Variants in IPO9 observed in about 807,000 individuals in gnomAD.
IPO9 encodes the protein importin-9.
IPO9 carries 28 observed loss-of-function variants against 128.6 expected under a neutral mutation model. The observed-to-expected ratio is 0.22, with a 90% confidence interval of 0.16 to 0.30. The LOEUF is 0.30. Ranked by LOEUF, IPO9 falls within the 10% of genes least tolerant of loss-of-function variation. IPO9 has a pLI of 1.00. For missense variants in IPO9, 935 were observed against 1,293.9 expected (o/e 0.72, Z 4.26); for synonymous variants, 455 against 475.8 (o/e 0.96, Z 0.57).
chr1:201,835,719 C>G (rs147690285), intron 1 of IPO9, among the ~76,000 whole-genome samples: 36 of 152,248 alleles, frequency 2.4e-4, no homozygotes, highest in African/African-American at 8.7e-4. Context: ...CAAAATAAAG[C>G]GGATATTTAT....
chr1:201,858,456 A>G lies in IPO9; in HGVS notation c.1231A>G (p.Thr411Ala). The G allele has an allele frequency of 1.3e-6, 2 of 1,568,170 alleles. No homozygotes were observed. The highest frequency in any genetic ancestry group is 2.3e-5 in the South Asian group (2 of 85,208). Residue 411 changes from threonine to alanine, a missense_variant, in exon 12 of 24, where the codon ACA becomes GCA. This residue lies in a region of IPO9 where 741 missense variants were observed against 1,019.1 expected (regional missense o/e 0.73). Transcript: ENST00000361565. Reference sequence around the variant, plus strand: ...TCTTCTCTCTCTATAGGCTGTGGCCACAGATTTCCAGAATGAAAGTGCAGC... The same window carrying G: ...TCTTCTCTCTCTATAGGCTGTGGCCGCAGATTTCCAGAATGAAAGTGCAGC... Reference protein sequence around the residue: ...AAQDLLLAVATDFQNESAAAL... With the variant: ...AAQDLLLAVAADFQNESAAAL...
In IPO9 at chr1:201,846,039, T is replaced by C. The variant is rs1331067467; in HGVS notation, c.164-1240T>C. On this transcript the variant is annotated intron_variant, in intron 1 of 23. Coordinates refer to ENST00000361565, the MANE Select transcript of IPO9 (RefSeq NM_018085.5). The stretch of plus-strand genomic sequence containing the variant: ...AGGAAGTACATTTGAGCCTAGGAGT[T>C]TGACACTGCAGTGAGCTATTACTAT... Among the ~76,000 whole-genome samples, 5 of 152,218 alleles carry C rather than the reference T, an allele frequency of 3.3e-5. No individual in the cohort carries two copies. The South Asian group carries it at 8.3e-4, about 25-fold the overall frequency.
intron 6 of IPO9, among the ~76,000 whole-genome samples, chr1:201,854,117 C>T (rs898801987): frequency 3.9e-5 from 6 of 152,242 alleles, no homozygotes; most frequent in African/African-American, 1.4e-4. Context: ...AAGTGATCCT[C>T]CCACCTTGGC....
At chr1:201,873,289 A>G (rs1380327614) in intron 20 of IPO9, among the ~76,000 whole-genome samples, 2 of 152,058 alleles carry the variant, frequency 1.3e-5, no homozygotes, top group African/African-American at 4.8e-5. Context: ...TACTAAAAAT[A>G]CAAAAATTAG....
At chr1:201,864,994 A>G (rs72742077) in intron 14 of IPO9, among the ~76,000 whole-genome samples, 12,373 of 152,218 alleles carry the variant, frequency 0.081, 609 homozygotes, top group Admixed American at 0.13. Context: ...ATGGACACTC[A>G]TATATGTTTA....
At chr1:201,850,409 C>A (rs1680192933) in intron 4 of IPO9, 1 of 152,134 alleles carries the variant, frequency 6.6e-6, no homozygotes, top group South Asian at 2.1e-4. Context: ...TACCAGTTTC[C>A]CTTTAATGAG....
At position 201,876,213 on chromosome 1, in the gene IPO9, T is replaced by A. The variant is rs758569783; in HGVS notation, c.*159T>A. 3.3e-5 allele frequency: 24 copies of A among 734,548 alleles called. No individual in the cohort carries two copies. Among genetic ancestry groups the A allele is most frequent in the Non-Finnish European group, 5.8e-5 (23 of 393,660 alleles). 45.5% of individuals were successfully genotyped at this position (734,548 alleles called of 1,614,324 possible). On this transcript the variant is annotated 3_prime_UTR_variant, in exon 24 of 24. Transcript: ENST00000361565. ...ACACTGATGACAATTCAGACCAGGCTCACCGGTGCCGTCACTTAGGAATGC... is the reference window on the plus strand; with the variant it reads ...ACACTGATGACAATTCAGACCAGGCACACCGGTGCCGTCACTTAGGAATGC...
chr1:201,842,015 G>A (rs942555167), intron 1 of IPO9, among the ~76,000 whole-genome samples: 2 of 152,028 alleles, frequency 1.3e-5, no homozygotes, highest in Non-Finnish European at 2.9e-5. Context: ...ACACCAGCTG[G>A]GTGTCCTCCA....
intron 15 of IPO9, among the ~76,000 whole-genome samples, 190 bp from the exon 16 acceptor site, chr1:201,868,458 C>G (rs753198099): frequency 1.3e-5 from 2 of 152,116 alleles, no homozygotes; most frequent in Non-Finnish European, 2.9e-5. Flanking sequence ...CAAAGTGTAC[C>G]TCTTGCAGAT....
intron 1 of IPO9, 24 bp downstream of exon 1, chr1:201,829,396 A>G (rs557648519): frequency 6.5e-7 from 1 of 1,536,506 alleles, no homozygotes; most frequent in Non-Finnish European, 8.8e-7. Context: ...GACCGTCACG[A>G]GGATGGCTCA....
chr1:201,853,885 C>T (rs1180734984), intron 6 of IPO9, among the ~76,000 whole-genome samples: 6 of 152,194 alleles, frequency 3.9e-5, no homozygotes, highest in South Asian at 2.1e-4. Context: ...ACTACAGGCA[C>T]GCGCCATCAT....
chr1:201,832,953 C>G (rs1381608260), intron 1 of IPO9, among the ~76,000 whole-genome samples: 1 of 152,126 alleles, frequency 6.6e-6, no homozygotes. Context: ...CATGCTGTGA[C>G]CAAATTGTAC....
At chr1:201,856,082 C>T in intron 10 of IPO9, 148 bp downstream of exon 10, 1 of 520,740 alleles carries the variant, frequency 1.9e-6, no homozygotes, top group South Asian at 2.8e-5. Flanking sequence ...GGTTTGACAT[C>T]ATTTTATTGC....
intron 5 of IPO9, 77 bp from the exon 6 acceptor site, chr1:201,852,934 C>A: frequency 8.8e-7 from 1 of 1,139,038 alleles, no homozygotes; most frequent in Non-Finnish European, 1.3e-6. Context: ...CATAGTTTTA[C>A]TTCTAGTCTG....
chr1:201,849,294 C>G (rs374839038), intron 4 of IPO9, among the ~76,000 whole-genome samples: 1 of 152,132 alleles, frequency 6.6e-6, no homozygotes, highest in Non-Finnish European at 1.5e-5. Flanking sequence ...CTATCAATCC[C>G]TCCCAGAATC....
chr1:201,847,229 T>C (rs752942216), intron 1 of IPO9, 50 bp from the exon 2 acceptor site: 34 of 1,387,320 alleles, frequency 2.5e-5, no homozygotes, highest in Non-Finnish European at 3.4e-5. Flanking sequence ...TTAGTAAATT[T>C]CTATGGCTTT....
At chr1:201,842,448 T>TG (rs1680052027) in intron 1 of IPO9, among the ~76,000 whole-genome samples, 2 of 152,042 alleles carry the variant, frequency 1.3e-5, no homozygotes, top group African/African-American at 2.4e-5. Context: ...GAGGGTGGGA[T>TG]GGGGGGATGA....
chr1:201,832,831 C>A (rs1296721514), intron 1 of IPO9, among the ~76,000 whole-genome samples: 4 of 152,206 alleles, frequency 2.6e-5, no homozygotes, highest in Non-Finnish European at 5.9e-5. Flanking sequence ...TCCTTGGCTA[C>A]CAGGTGATGA....
rs1272189396 is a variant in IPO9 at position 201,882,956 on chromosome 1, C to T, written c.*6902C>T. On this transcript the variant is annotated 3_prime_UTR_variant, in exon 24 of 24. Coordinates refer to ENST00000361565, the MANE Select transcript of IPO9 (RefSeq NM_018085.5). ...TGACTCACTGGATTACACTGTGACT[C>T]AGTTCAATTTCACACATGCTGCTGC... 1 of 152,608 alleles carries T rather than the reference C, an allele frequency of 6.6e-6. No individual in the cohort carries two copies. The highest frequency in any genetic ancestry group is 1.5e-5 in the Non-Finnish European group (1 of 68,050). The allele number at this position is 152,608 out of a possible 1,614,324, so 9.5% of individuals were successfully genotyped here.
Sources: allele counts gnomAD v4.1 joint callset (sites outside exome capture counted in the v4.1 genomes callset), GRCh38; gene constraint gnomAD v4.1.1; regional missense constraint gnomAD v4.1.1; transcripts MANE v1.5; gene names NCBI Gene and HGNC (gene_info 2026-07-23, HGNC 2026-07-21).